Variants in PEBP4 observed in about 807,000 individuals in gnomAD.
PEBP4 encodes the protein phosphatidylethanolamine binding protein 4.
Under a neutral mutation model 23.9 loss-of-function variants are expected in PEBP4, and 22 were observed. The observed-to-expected ratio is 0.92, with a 90% CI of 0.66 to 1.31. The LOEUF is 1.31. PEBP4 is among the 40% of genes most tolerant of loss of function. The pLI, the probability that PEBP4 is intolerant of heterozygous loss-of-function variation, is 0.00. For synonymous variants in PEBP4, 112 were observed against 99.3 expected (o/e 1.13, Z -0.76); for missense variants, 324 against 281.7 (o/e 1.15, Z -1.07).
intron 4 of PEBP4, among the ~76,000 whole-genome samples, chr8:22,789,632 G>A (rs143114402): frequency 0.01 from 1,592 of 152,286 alleles, 25 homozygotes; most frequent in South Asian, 0.072. Context: ...CTGGGGCAAC[G>A]TCTGCAGCAG....
chr8:22,905,596 G>A (rs896940119), intron 3 of PEBP4, among the ~76,000 whole-genome samples: 5 of 152,146 alleles, frequency 3.3e-5, no homozygotes, highest in African/African-American at 1.2e-4. Flanking sequence ...TTTTCTGTCC[G>A]CTGTTCTAAG....
chr8:22,768,641 A>T (rs376652086), intron 4 of PEBP4, among the ~76,000 whole-genome samples: 1 of 151,226 alleles, frequency 6.6e-6, no homozygotes, highest in African/African-American at 2.4e-5. Context: ...CCCAGTCAAT[A>T]CGGAGCCTTT....
At chr8:22,732,152 CT>C (rs1485546824) in intron 4 of PEBP4, among the ~76,000 whole-genome samples, 3 of 150,520 alleles carry the variant, frequency 2.0e-5, no homozygotes, top group Admixed American at 6.7e-5. Flanking sequence ...TCTGGGCCTT[CT>C]AAGTTTGGGA....
chr8:22,716,025 C>T lies in PEBP4; in HGVS notation c.518-2489G>A, dbSNP rs137941192. On this transcript the variant is annotated intron_variant, in intron 6 of 6. Coordinates refer to ENST00000256404, the MANE Select transcript of PEBP4 (RefSeq NM_144962.3). Reference sequence around the variant, plus strand: ...CTGTGCTTGGGCCACTCCACTGTATCCTGGATGCACCTAGGCCAGGCTCTT... The same window carrying T: ...CTGTGCTTGGGCCACTCCACTGTATTCTGGATGCACCTAGGCCAGGCTCTT... 3.9e-3 allele frequency among the ~76,000 whole-genome samples: 589 copies of T among 152,190 alleles called. 6 individuals carry two copies. The highest frequency in any genetic ancestry group is 0.013 in the African/African-American group (557 of 41,516).
intron 4 of PEBP4, among the ~76,000 whole-genome samples, chr8:22,789,364 C>T (rs1806091401): frequency 6.6e-6 from 1 of 152,096 alleles, no homozygotes; most frequent in African/African-American, 2.4e-5. Flanking sequence ...GAAATTCAAG[C>T]TCCTAGGGAA....
chr8:22,875,378 A>G (rs2009620), intron 3 of PEBP4, among the ~76,000 whole-genome samples: 38,600 of 151,960 alleles, frequency 0.25, 5,390 homozygotes, highest in Middle Eastern at 0.38. Flanking sequence ...TTACATAGGT[A>G]AACTCGTGTC....
intron 3 of PEBP4, chr8:22,884,979 T>C (rs1808344206): frequency 6.6e-6 from 1 of 152,212 alleles, no homozygotes; most frequent in African/African-American, 2.4e-5. Flanking sequence ...ACAGCAGCAC[T>C]TACTGTGAGA....
chr8:22,791,031 C>A (rs1390811075), intron 4 of PEBP4, among the ~76,000 whole-genome samples: 1 of 152,128 alleles, frequency 6.6e-6, no homozygotes, highest in Non-Finnish European at 1.5e-5. Flanking sequence ...TCAGCCACTA[C>A]CCTTTGATAG....
In PEBP4 at chr8:22,775,412, C is replaced by G. The variant is rs1342713240; in HGVS notation, c.357+42225G>C. ...CCCAGGCAAGGAGCGGCCTTGCCAA[C>G]CAATCCCTCCTTTACAACCATGCCG... On this transcript the variant is annotated intron_variant, in intron 4 of 6. Transcript: ENST00000256404. The surrounding 1 kb of genome is among the most constrained non-coding windows in gnomAD (Gnocchi z 4.8). 1.3e-5 allele frequency among the ~76,000 whole-genome samples: 2 copies of G among 152,170 alleles called. No individual in the cohort carries two copies. The highest frequency in any genetic ancestry group is 2.9e-5 in the Non-Finnish European group (2 of 68,038).
At chr8:22,849,964 A>G (rs1161004975) in intron 3 of PEBP4, among the ~76,000 whole-genome samples, 1 of 152,120 alleles carries the variant, frequency 6.6e-6, no homozygotes, top group Non-Finnish European at 1.5e-5. Flanking sequence ...GGGTGGAAAG[A>G]AATAGTGATC....
chr8:22,716,288 G>A (rs1225551904), intron 6 of PEBP4, among the ~76,000 whole-genome samples: 1 of 152,216 alleles, frequency 6.6e-6, no homozygotes, highest in African/African-American at 2.4e-5. Flanking sequence ...AGATGCAGCA[G>A]TCCTGGCACT....
At chr8:22,928,819 G>A (rs1359442892), upstream of PEBP4, among the ~76,000 whole-genome samples, 4 of 152,130 alleles carry the variant, frequency 2.6e-5, no homozygotes, top group Non-Finnish European at 5.9e-5. Flanking sequence ...CTGTCACCGT[G>A]GTGCCTTGCT....
chr8:22,750,635 T>G (rs186252458), intron 4 of PEBP4, among the ~76,000 whole-genome samples: 7 of 152,286 alleles, frequency 4.6e-5, no homozygotes, highest in Non-Finnish European at 7.4e-5. Context: ...GAGTTTGTTT[T>G]TTTTCCTTGA....
chr8:22,802,407 T>TTG (rs1212024920), intron 4 of PEBP4, among the ~76,000 whole-genome samples: 1 of 152,180 alleles, frequency 6.6e-6, no homozygotes, highest in East Asian at 1.9e-4. Context: ...GGGCTTGTCC[T>TTG]TCTCCAGTTT....
rs574661563 is a variant in PEBP4 at position 22,805,954 on chromosome 8, G to T, written c.357+11683C>A. Reference sequence around the variant, plus strand: ...GAAAGGAGAGGTATAACTCTTCAATGGTCTGAAACCTTTACTTTTATTGAT... The same window carrying T: ...GAAAGGAGAGGTATAACTCTTCAATTGTCTGAAACCTTTACTTTTATTGAT... On this transcript the variant is annotated intron_variant, in intron 4 of 6. Coordinates refer to ENST00000256404, the MANE Select transcript of PEBP4 (RefSeq NM_144962.3). Among the ~76,000 whole-genome samples, 5 of 152,130 alleles carry T rather than the reference G, an allele frequency of 3.3e-5. No individual in the cohort carries two copies. The South Asian group carries it at 1.0e-3, about 32-fold the overall frequency.
chr8:22,730,741 C>T (rs1303214564), intron 4 of PEBP4, among the ~76,000 whole-genome samples: 3 of 152,174 alleles, frequency 2.0e-5, no homozygotes, highest in Non-Finnish European at 4.4e-5. Context: ...ACACAGACAC[C>T]ACTCCTGTCG....
chr8:22,786,448 A>AT (rs371644410), intron 4 of PEBP4, among the ~76,000 whole-genome samples: 17 of 151,650 alleles, frequency 1.1e-4, no homozygotes, highest in South Asian at 6.3e-4. Flanking sequence ...ATGTCCGGCA[A>AT]TTTTTTTTAG....
intron 4 of PEBP4, among the ~76,000 whole-genome samples, chr8:22,812,690 C>A (rs975701346): frequency 1.3e-5 from 2 of 152,078 alleles, no homozygotes; most frequent in Admixed American, 6.6e-5. Context: ...AACTTGCAGG[C>A]CTGATAAAGA....
intron 3 of PEBP4, among the ~76,000 whole-genome samples, chr8:22,863,517 G>A (rs913072410): frequency 6.6e-6 from 1 of 152,172 alleles, no homozygotes; most frequent in Non-Finnish European, 1.5e-5. Context: ...GCTGAAGTGT[G>A]CATGGGGCTT....
Sources: gnomAD v4.1 joint callset for allele counts (sites outside exome capture counted in the v4.1 genomes callset) on GRCh38, gnomAD v4.1.1 for gene constraint, Gnocchi (gnomAD v3.1) non-coding constraint, MANE v1.5 for transcripts, NCBI Gene and HGNC (gene_info 2026-07-23, HGNC 2026-07-21) for gene names.